The following KHDRBS2 variants were observed in gnomAD, a reference collection of about 807,000 sequenced individuals.
KHDRBS2 encodes the protein KH domain-containing, RNA-binding, signal transduction-associated protein 2.
Under a neutral mutation model 44.3 loss-of-function variants are expected in KHDRBS2, and 26 were observed. The observed-to-expected ratio is 0.59, with a 90% CI of 0.43 to 0.81. The LOEUF (loss-of-function observed/expected upper bound fraction) is 0.81, where lower values mean the gene tolerates loss of function less well. Among genes scored for constraint, KHDRBS2 ranks in the 40% least tolerant of loss-of-function variants. The probability of loss-of-function intolerance (pLI) is 0.00; values close to 1 mark genes in which losing one functional copy is unlikely to be tolerated. For missense variants in KHDRBS2, 476 were observed against 433.1 expected (o/e 1.10, Z -0.88); for synonymous variants, 194 against 151.1 (o/e 1.28, Z -2.08).
the KHDRBS2 span, among the ~76,000 whole-genome samples, chr6:61,635,726 G>C: frequency 6.6e-6 from 1 of 151,956 alleles, no homozygotes; most frequent in Non-Finnish European, 1.5e-5. Flanking sequence ...TATCCATGTT[G>C]AGGTTCCCAT....
chr6:62,072,711 A>G (rs1236319420), intron 2 of KHDRBS2, among the ~76,000 whole-genome samples: 1 of 152,116 alleles, frequency 6.6e-6, no homozygotes, highest in African/African-American at 2.4e-5. Flanking sequence ...ATGGTGGATA[A>G]GCTTTTTGAT....
intron 3 of KHDRBS2, among the ~76,000 whole-genome samples, chr6:62,036,396 G>A (rs934049045): frequency 2.0e-5 from 3 of 151,934 alleles, no homozygotes; most frequent in African/African-American, 7.2e-5. Flanking sequence ...ATTTGAGGGT[G>A]GAGGGTTGGA....
At chr6:61,845,966 G>A (rs1340106866) in intron 6 of KHDRBS2, among the ~76,000 whole-genome samples, 3 of 152,258 alleles carry the variant, frequency 2.0e-5, no homozygotes, top group South Asian at 2.1e-4. Context: ...TTCTCTAGGT[G>A]CTGTCATCGT....
intron 8 of KHDRBS2, among the ~76,000 whole-genome samples, chr6:61,686,317 T>C (rs1178988680): frequency 6.6e-6 from 1 of 151,774 alleles, no homozygotes; most frequent in African/African-American, 2.4e-5. Flanking sequence ...GCAAATCATA[T>C]AATGGCATTA....
intron 2 of KHDRBS2, among the ~76,000 whole-genome samples, chr6:62,107,041 G>A (rs1803567301): frequency 6.6e-6 from 1 of 152,070 alleles, no homozygotes; most frequent in South Asian, 2.1e-4. Context: ...ACAAGACAGG[G>A]ATGCCCTCTC....
chr6:62,206,272 G>C (rs889615650), intron 1 of KHDRBS2, among the ~76,000 whole-genome samples: 15 of 152,146 alleles, frequency 9.9e-5, no homozygotes, highest in African/African-American at 3.6e-4. Context: ...CAACCTAAAT[G>C]TTTATGCACA....
intron 2 of KHDRBS2, among the ~76,000 whole-genome samples, chr6:62,093,999 T>A (rs1350840810): frequency 1.3e-5 from 2 of 151,942 alleles, no homozygotes; most frequent in Admixed American, 6.6e-5. Context: ...AGAGTGCAGA[T>A]ATCTTTTTGA....
At chr6:62,101,024 G>T (rs1438345269) in intron 2 of KHDRBS2, among the ~76,000 whole-genome samples, 1 of 152,156 alleles carries the variant, frequency 6.6e-6, no homozygotes, top group Non-Finnish European at 1.5e-5. Context: ...TCTAGTATCT[G>T]CAGGAGCATG....
chr6:61,636,466 C>A, the KHDRBS2 span, among the ~76,000 whole-genome samples: 8 of 152,054 alleles, frequency 5.3e-5, no homozygotes, highest in Non-Finnish European at 8.8e-5. Flanking sequence ...CCCTTGATTC[C>A]TCAAATGGAA....
At chr6:61,591,359 ATT>A in the KHDRBS2 span, among the ~76,000 whole-genome samples, 2 of 151,780 alleles carry the variant, frequency 1.3e-5, no homozygotes, top group Non-Finnish European at 1.5e-5. Context: ...ATAGAATGTC[ATT>A]AGAAAACCAA....
the KHDRBS2 span, among the ~76,000 whole-genome samples, chr6:61,671,822 G>C: frequency 8.6e-5 from 13 of 151,366 alleles, no homozygotes; most frequent in African/African-American, 2.4e-4. Flanking sequence ...GTTTGAAATT[G>C]ACCCTTATTC....
intron 6 of KHDRBS2, among the ~76,000 whole-genome samples, chr6:61,803,713 G>A (rs966982651): frequency 3.9e-5 from 6 of 152,146 alleles, no homozygotes; most frequent in Non-Finnish European, 8.8e-5. Flanking sequence ...CTGCATGACT[G>A]TGGAGGCCTC....
intron 2 of KHDRBS2, among the ~76,000 whole-genome samples, chr6:62,155,555 C>T (rs939971565): frequency 1.3e-5 from 2 of 152,154 alleles, no homozygotes; most frequent in African/African-American, 2.4e-5. Flanking sequence ...ATGCATATGC[C>T]TTCTGCCTTG....
At chr6:62,110,387 C>T (rs748768535) in intron 2 of KHDRBS2, among the ~76,000 whole-genome samples, 2 of 151,996 alleles carry the variant, frequency 1.3e-5, no homozygotes, top group Non-Finnish European at 2.9e-5. Flanking sequence ...ACATTTGCAG[C>T]AGTTTTATTT....
At chr6:62,181,026 CAAA>C (rs58140494) in intron 1 of KHDRBS2, among the ~76,000 whole-genome samples, 1 of 138,228 alleles carries the variant, frequency 7.2e-6, no homozygotes, top group Non-Finnish European at 1.6e-5. Flanking sequence ...TTACACTGCA[CAAA>C]AAAAAAAAAA....
At chr6:62,180,364 A>G (rs1247821771) in intron 1 of KHDRBS2, among the ~76,000 whole-genome samples, 1 of 151,912 alleles carries the variant, frequency 6.6e-6, no homozygotes, top group South Asian at 2.1e-4. Flanking sequence ...TATAAAATCA[A>G]CATCCAAAAA....
At chr6:61,659,733 A>T in the KHDRBS2 span, among the ~76,000 whole-genome samples, 1 of 150,240 alleles carries the variant, frequency 6.7e-6, no homozygotes, top group Non-Finnish European at 1.5e-5. Flanking sequence ...TGAGTGTATT[A>T]AAAAAAAACA....
intron 2 of KHDRBS2, among the ~76,000 whole-genome samples, chr6:62,074,365 C>T (rs558458762): frequency 1.3e-5 from 2 of 151,836 alleles, no homozygotes; most frequent in Non-Finnish European, 2.9e-5. Context: ...ACAAGTTTCC[C>T]TTTAAAAACT....
chr6:62,064,984 C>CG (rs1485358219), intron 2 of KHDRBS2, among the ~76,000 whole-genome samples: 1 of 151,970 alleles, frequency 6.6e-6, no homozygotes, highest in Non-Finnish European at 1.5e-5. Flanking sequence ...CATGAACAGA[C>CG]ACTTCTCAAA....
Sources: gnomAD v4.1 joint callset for allele counts (sites outside exome capture counted in the v4.1 genomes callset) on GRCh38, gnomAD v4.1.1 for gene constraint, MANE v1.5 for transcripts, NCBI Gene and HGNC (gene_info 2026-07-23, HGNC 2026-07-21) for gene names.